The following PRSS55 variants were observed in gnomAD, a reference collection of about 807,000 sequenced individuals.
The protein encoded by PRSS55 is probable serine protease UNQ9391/PRO34284.
PRSS55 carries 41 observed loss-of-function variants against 23.6 expected under a neutral mutation model. That is an observed-to-expected ratio of 1.74 (90% CI 1.35 to 2.26). The LOEUF is 2.26. Ranked by LOEUF, PRSS55 falls within the 30% of genes most tolerant of loss-of-function variation. PRSS55 has a pLI of 0.00. For synonymous variants in PRSS55, 262 were observed against 175.5 expected, an observed-to-expected ratio of 1.49 and a Z score of -3.90; for missense variants, 669 against 439.1, an observed-to-expected ratio of 1.52 and a Z score of -4.68.
At chr8:10,537,320 C>T (rs943327969) in intron 4 of PRSS55, among the ~76,000 whole-genome samples, 10 of 152,116 alleles carry the variant, frequency 6.6e-5, no homozygotes, top group African/African-American at 2.4e-5. Context: ...CTGTCCTTTA[C>T]AACAGCATGT....
At chr8:10,546,676 C>CAAACA (rs1444824890) in intron 4 of PRSS55, among the ~76,000 whole-genome samples, 34 of 152,014 alleles carry the variant, frequency 2.2e-4, no homozygotes, top group Non-Finnish European at 1.8e-4. Flanking sequence ...CTCCTCTTGA[C>CAAACA]AAACAAAACA....
chr8:10,543,468 C>CTTTTTTTTTTT, downstream of PRSS55, among the ~76,000 whole-genome samples: 1 of 104,248 alleles, frequency 9.6e-6, no homozygotes, highest in East Asian at 2.6e-4. Flanking sequence ...TCCTTCCTTT[C>CTTTTTTTTTTT]TTTCTTTCTC....
chr8:10,544,393 C>A (rs189739020), intron 4 of PRSS55, among the ~76,000 whole-genome samples: 2 of 152,114 alleles, frequency 1.3e-5, no homozygotes, highest in African/African-American at 4.8e-5. Context: ...TTATTTTTAA[C>A]CTACTTATAT....
chr8:10,527,650 G>A (rs1812080416), intron 1 of PRSS55, among the ~76,000 whole-genome samples: 1 of 152,258 alleles, frequency 6.6e-6, no homozygotes, highest in Non-Finnish European at 1.5e-5. Flanking sequence ...ACATGGCGCA[G>A]TGGTGAGAGC....
Position 10,546,681 on chromosome 8 carries a change from AAAAC to A in PRSS55, c.742-7246_742-7243del, listed in dbSNP as rs199710167. Among the ~76,000 whole-genome samples, 90 of 152,124 alleles carry A rather than the reference AAAAC, an allele frequency of 5.9e-4. No individual in the cohort carries two copies. The East Asian group carries it at 0.015, about 25-fold the overall frequency. ...CCTCTGCTGCCTCCTCTTGACAAAC[AAAAC>A]AAACAAACAAACAAAAAACACAGGG... On this transcript the variant is annotated intron_variant, in intron 4 of 4. Transcript: ENST00000522210.
chr8:10,526,619 G>A (rs542513315), intron 1 of PRSS55, among the ~76,000 whole-genome samples: 2 of 152,348 alleles, frequency 1.3e-5, no homozygotes, highest in South Asian at 2.1e-4. Flanking sequence ...CTCAGCTCTG[G>A]CATGAACCTG....
rs1812538394 is a variant in PRSS55, at chr8:10,538,561, G to A, written c.827G>A (p.Cys276Tyr). The stretch of plus-strand genomic sequence containing the variant: ...GGCATCATAAGCTGGGGAAAGAGCT[G>A]TGGAGAGAAGAACACCCCAGGGATA... Reference protein sequence around the residue: ...QVGIISWGKSCGEKNTPGIYT... With the variant: ...QVGIISWGKSYGEKNTPGIYT... Residue 276 changes from cysteine (C) to tyrosine (Y), a missense_variant, in exon 5 of 5, where the codon TGT (cysteine) becomes TAT (tyrosine). Coordinates refer to ENST00000328655, the MANE Select transcript of PRSS55 (RefSeq NM_198464.4). 6.2e-7 allele frequency: 1 copy of A among 1,614,202 alleles called. No homozygotes were observed. Among genetic ancestry groups the A allele is most frequent in the East Asian group, 2.2e-5 (1 of 44,886 alleles).
In PRSS55 at chr8:10,529,652, G is replaced by T; in HGVS notation, c.300G>T (p.Lys100Asn). The change falls in exon 2 of 5, where the codon AAG (lysine) becomes AAT (asparagine). Residue 100 changes from lysine to asparagine, a missense_variant. Lys to Asn is a moderately conservative substitution (Grantham distance 94). Coordinates refer to ENST00000328655, the MANE Select transcript of PRSS55 (RefSeq NM_198464.4). ...EPFCGGSILN[K>N]WWILTAAHCL... Reference sequence around the variant, plus strand: ...TCTGTGGCGGCTCCATCCTCAACAAGTGGTGGATTCTCACTGCGGCTCACT... The same window carrying T: ...TCTGTGGCGGCTCCATCCTCAACAATTGGTGGATTCTCACTGCGGCTCACT... 1 of 1,614,182 alleles carries T rather than the reference G, an allele frequency of 6.2e-7. No individual in the cohort carries two copies. Among genetic ancestry groups the T allele is most frequent in the East Asian group, 2.2e-5 (1 of 44,870 alleles).
At chr8:10,547,883 G>A (rs1231849862) in intron 4 of PRSS55, among the ~76,000 whole-genome samples, 1 of 152,004 alleles carries the variant, frequency 6.6e-6, no homozygotes, top group Non-Finnish European at 1.5e-5. Flanking sequence ...CTCAGAAGCC[G>A]ACACTCTAGG....
intron 4 of PRSS55, among the ~76,000 whole-genome samples, chr8:10,535,328 C>T (rs1304707199): frequency 6.6e-6 from 1 of 152,202 alleles, no homozygotes; most frequent in Non-Finnish European, 1.5e-5. Context: ...TACTACAGGG[C>T]TATGGTAACC....
chr8:10,552,623 T>G (rs28615072), intron 4 of PRSS55, among the ~76,000 whole-genome samples: 2,364 of 152,280 alleles, frequency 0.016, 62 homozygotes, highest in African/African-American at 0.054. Flanking sequence ...AGGACCCGAA[T>G]AGACATTTCT....
intron 3 of PRSS55, among the ~76,000 whole-genome samples, chr8:10,532,414 G>A (rs1008399503): frequency 3.9e-5 from 6 of 152,162 alleles, no homozygotes; most frequent in Non-Finnish European, 8.8e-5. Flanking sequence ...GGCCCAGAAA[G>A]GGCCTCTGCA....
intron 4 of PRSS55, among the ~76,000 whole-genome samples, chr8:10,533,629 C>T (rs1812349788): frequency 6.6e-6 from 1 of 152,056 alleles, no homozygotes; most frequent in Non-Finnish European, 1.5e-5. Context: ...GAAAAAAAAT[C>T]ATAAATTTCC....
exon 5 of PRSS55, chr8:10,554,134 T>A (rs993167641): frequency 1.5e-6 from 1 of 674,732 alleles, no homozygotes. Flanking sequence ...TCTGTCCAAA[T>A]GACTGAAAAA....
At chr8:10,529,933 C>T (rs1812189118) in intron 2 of PRSS55, among the ~76,000 whole-genome samples, 1 of 152,224 alleles carries the variant, frequency 6.6e-6, no homozygotes, top group African/African-American at 2.4e-5. Flanking sequence ...TCCCTGAGGT[C>T]ACACCTACCC....
chr8:10,548,609 A>G (rs975582176), intron 4 of PRSS55, among the ~76,000 whole-genome samples: 1 of 151,904 alleles, frequency 6.6e-6, no homozygotes, highest in Admixed American at 6.5e-5. Context: ...CTGGGCCAAC[A>G]CCTTAGCCCC....
chr8:10,533,520 G>A (rs764439909), intron 4 of PRSS55, among the ~76,000 whole-genome samples: 3 of 152,160 alleles, frequency 2.0e-5, no homozygotes, highest in Non-Finnish European at 4.4e-5. Context: ...ATTGGGTGTT[G>A]CATGTGGGTT....
intron 4 of PRSS55, chr8:10,545,215 T>C (rs1812786141): frequency 6.4e-6 from 1 of 155,978 alleles, no homozygotes; most frequent in African/African-American, 2.4e-5. Context: ...TTTTTTTTTT[T>C]CCGAGAGTGT....
chr8:10,538,601 G>T lies in PRSS55; in HGVS notation c.867G>T (p.Val289=). Residue 289 remains valine, a synonymous_variant, in exon 5 of 5, where the codon GTG becomes GTT. Transcript: ENST00000328655. ...CCCCAGGGATATACACCTCGTTGGTGAACTACAACCTCTGGATCGAGAAAG... is the reference window on the plus strand; with the variant it reads ...CCCCAGGGATATACACCTCGTTGGTTAACTACAACCTCTGGATCGAGAAAG... The part of the protein sequence containing the change: ...KNTPGIYTSL[V]NYNLWIEKVT... 6.2e-7 allele frequency: 1 copy of T among 1,614,142 alleles called. No homozygotes were observed.
Sources: gnomAD v4.1 joint callset for allele counts (sites outside exome capture counted in the v4.1 genomes callset) on GRCh38, gnomAD v4.1.1 for gene constraint, MANE v1.5 for transcripts, NCBI Gene and HGNC (gene_info 2026-07-23, HGNC 2026-07-21) for gene names.